PTK2B: variants seen among roughly 807,000 people sequenced by gnomAD.
PTK2B encodes the protein protein-tyrosine kinase 2-beta.
Under a neutral mutation model 142.9 loss-of-function variants are expected in PTK2B, and 71 were observed. That is an observed-to-expected ratio of 0.50 (90% CI 0.41 to 0.61). The LOEUF is 0.61. Among genes scored for constraint, PTK2B ranks in the 20% least tolerant of loss-of-function variants. PTK2B has a pLI of 0.00. For missense variants in PTK2B, 1,105 were observed against 1,320.4 expected (o/e 0.84, Z 2.53); for synonymous variants, 519 against 503.4 (o/e 1.03, Z -0.42).
intron 17 of PTK2B, 40 bp downstream of exon 17, chr8:27,437,536 A>T: frequency 6.7e-7 from 1 of 1,491,238 alleles, no homozygotes; most frequent in African/African-American, 1.4e-5. Flanking sequence ...GGGCTGCAGC[A>T]TGGGGGGCAT....
At chr8:27,439,711 G>A (rs969593598) in intron 20 of PTK2B, among the ~76,000 whole-genome samples, 1 of 152,162 alleles carries the variant, frequency 6.6e-6, no homozygotes. Flanking sequence ...AGAGGTACAG[G>A]AAGGAGAGAG....
At position 27,444,110 on chromosome 8, in the gene PTK2B, C is replaced by T. The variant is rs1431835315; in HGVS notation, c.2149-96C>T. ...TCCCTCAACTTTCCTTCCTTTGGAA[C>T]AAGCCTGAGGTGTCTTTGACCTGAT... On this transcript the variant is annotated intron_variant, in intron 22 of 30. Transcript: ENST00000346049. 3.8e-5 allele frequency: 49 copies of T among 1,289,014 alleles called. 1 individual carries two copies. In the South Asian group the frequency reaches 5.8e-4, roughly 15 times the overall value. 79.8% of individuals were successfully genotyped at this position (1,289,014 alleles called of 1,614,324 possible). A position where few individuals can be genotyped will look rare whatever the true frequency, so the allele number is the denominator to read the frequency against.
chr8:27,343,394 G>A (rs977240236), intron 1 of PTK2B, among the ~76,000 whole-genome samples: 7 of 152,076 alleles, frequency 4.6e-5, no homozygotes, highest in Admixed American at 6.6e-5. Context: ...ACTTTGTTAC[G>A]AAAGTCACAA....
At chr8:27,441,892 C>T (rs908886872) in intron 21 of PTK2B, among the ~76,000 whole-genome samples, 1 of 151,814 alleles carries the variant, frequency 6.6e-6, no homozygotes, top group Non-Finnish European at 1.5e-5. Flanking sequence ...AGAGGTGTTC[C>T]CATCATCTCC....
intron 1 of PTK2B, among the ~76,000 whole-genome samples, chr8:27,372,654 A>G (rs1006522726): frequency 6.6e-6 from 1 of 152,198 alleles, no homozygotes; most frequent in East Asian, 1.9e-4. Context: ...AAGTTGATAC[A>G]GAAAATTAAC....
At chr8:27,352,788 G>C (rs1247174529) in intron 1 of PTK2B, among the ~76,000 whole-genome samples, 2 of 152,190 alleles carry the variant, frequency 1.3e-5, no homozygotes, top group African/African-American at 2.4e-5. Context: ...GACGTGACTT[G>C]CTCCTCCTTG....
chr8:27,448,785 C>T (rs1378980467), intron 24 of PTK2B, among the ~76,000 whole-genome samples: 3 of 152,212 alleles, frequency 2.0e-5, no homozygotes, highest in African/African-American at 4.8e-5. Flanking sequence ...GGCAGCCATG[C>T]CATTGTGTCT....
upstream of PTK2B, chr8:27,311,275 C>G: frequency 3.4e-6 from 5 of 1,460,986 alleles, no homozygotes; most frequent in Non-Finnish European, 4.5e-6. Flanking sequence ...ACTTTTGCTC[C>G]GGCCCCTCCC....
rs954365980 is a variant in PTK2B at position 27,394,604 on chromosome 8, G to T, written c.-37-2944G>T. Among the ~76,000 whole-genome samples the T allele has an allele frequency of 3.3e-5, 5 of 152,040 alleles. No homozygotes were observed. The East Asian group carries it at 9.6e-4, about 29-fold the overall frequency. On this transcript the variant is annotated intron_variant, in intron 1 of 30. Coordinates refer to ENST00000346049, the MANE Select transcript of PTK2B (RefSeq NM_173176.3). ...GCACTACTGTAGACTTTATAAACAC[G>T]GTGTACTTAGGCTACACTAAATTTA...
intron 1 of PTK2B, among the ~76,000 whole-genome samples, chr8:27,386,555 T>C (rs1229402584): frequency 1.3e-5 from 2 of 152,242 alleles, no homozygotes; most frequent in East Asian, 3.8e-4. Context: ...TATTTTTAAT[T>C]TTCTCAAGTC....
At chr8:27,427,963 G>A (rs1401919886) in intron 5 of PTK2B, among the ~76,000 whole-genome samples, 8 of 151,982 alleles carry the variant, frequency 5.3e-5, no homozygotes, top group Non-Finnish European at 1.5e-5. Flanking sequence ...CATTTATTGT[G>A]TACTTTATTT....
intron 1 of PTK2B, among the ~76,000 whole-genome samples, chr8:27,382,712 T>A (rs1807103067): frequency 6.6e-6 from 1 of 152,232 alleles, no homozygotes; most frequent in African/African-American, 2.4e-5. Context: ...TTAGTCCTTA[T>A]TCTGAGTTGA....
At chr8:27,437,029 C>T in intron 15 of PTK2B, 93 bp from the exon 16 acceptor site, 1 of 1,252,536 alleles carries the variant, frequency 8.0e-7, no homozygotes, top group Admixed American at 1.7e-5. Context: ...TTCCTGGCAG[C>T]AAAATCTGCA....
chr8:27,362,695 C>T (rs561616197), intron 1 of PTK2B, among the ~76,000 whole-genome samples: 23 of 152,042 alleles, frequency 1.5e-4, no homozygotes, highest in Middle Eastern at 3.4e-3. Context: ...GCCTCCCCTT[C>T]CAGCAGTGAC....
chr8:27,350,592 G>C (rs955162558), intron 1 of PTK2B, among the ~76,000 whole-genome samples: 2 of 151,928 alleles, frequency 1.3e-5, no homozygotes, highest in Admixed American at 6.6e-5. Context: ...GTTAATAAGT[G>C]GGGGAACTCC....
chr8:27,447,596 C>T (rs1211633655), intron 24 of PTK2B, among the ~76,000 whole-genome samples: 2 of 152,170 alleles, frequency 1.3e-5, no homozygotes, highest in African/African-American at 4.8e-5. Context: ...TGGTGGCTCA[C>T]GCCTGTAATC....
chr8:27,320,602 A>T (rs930775661), upstream of PTK2B, among the ~76,000 whole-genome samples: 8 of 152,130 alleles, frequency 5.3e-5, no homozygotes, highest in Admixed American at 1.3e-4. Flanking sequence ...GTCCTTTATT[A>T]AAAAAGATAT....
chr8:27,329,932 T>G (rs1019003698), intron 1 of PTK2B, among the ~76,000 whole-genome samples: 4 of 152,042 alleles, frequency 2.6e-5, no homozygotes, highest in Non-Finnish European at 5.9e-5. Flanking sequence ...ATTAGAGAGA[T>G]ATTCAAAATA....
At chr8:27,348,151 C>T (rs1438815862) in intron 1 of PTK2B, among the ~76,000 whole-genome samples, 1 of 152,194 alleles carries the variant, frequency 6.6e-6, no homozygotes, top group Non-Finnish European at 1.5e-5. Flanking sequence ...GGGAAAAAAA[C>T]AGAAATATCC....
Sources: gnomAD v4.1 joint callset for allele counts (sites outside exome capture counted in the v4.1 genomes callset) on GRCh38, gnomAD v4.1.1 for gene constraint, MANE v1.5 for transcripts, NCBI Gene and HGNC (gene_info 2026-07-23, HGNC 2026-07-21) for gene names.